Variants in CNNM2 observed in about 807,000 individuals in gnomAD.
The protein encoded by CNNM2 is cyclin and CBS domain divalent metal cation transport mediator 2, also known as metal transporter CNNM2.
Under a neutral mutation model 66.9 loss-of-function variants are expected in CNNM2, and 12 were observed. That is an observed-to-expected ratio of 0.18 (90% CI 0.11 to 0.29). The LOEUF (loss-of-function observed/expected upper bound fraction) is 0.29, where lower values mean the gene tolerates loss of function less well. Ranked by LOEUF, CNNM2 falls within the 10% of genes least tolerant of loss-of-function variation. The pLI is 1.00. For missense variants in CNNM2, 705 were observed against 1,167.7 expected, an observed-to-expected ratio of 0.60 and a Z score of 5.77; for synonymous variants, 557 against 501.8, an observed-to-expected ratio of 1.11 and a Z score of -1.47.
intron 1 of CNNM2, among the ~76,000 whole-genome samples, chr10:102,995,174 T>TCTTCCTCCTCCTCCCCCC (rs2063971464): frequency 8.5e-6 from 1 of 117,792 alleles, no homozygotes; most frequent in Non-Finnish European, 1.8e-5. Context: ...CTCCTCCCCC[T>TCTTCCTCCTCCTCCCCCC]CTTCCTCCTC....
chr10:103,073,875 A>G (rs1459686787), intron 6 of CNNM2, among the ~76,000 whole-genome samples: 1 of 150,424 alleles, frequency 6.6e-6, no homozygotes, highest in Non-Finnish European at 1.5e-5. Context: ...TCTCAAAAAA[A>G]AAAAAAAAAA....
At chr10:103,049,881 A>T in intron 2 of CNNM2, 31 bp downstream of exon 2, 1 of 1,604,746 alleles carries the variant, frequency 6.2e-7, no homozygotes. Flanking sequence ...GTATTTCCCG[A>T]AACCTTTGCT....
chr10:103,054,554 A>G lies in CNNM2; in HGVS notation c.1903+88A>G. 1.4e-6 allele frequency: 2 copies of G among 1,399,894 alleles called. No homozygotes were observed. The highest frequency in any genetic ancestry group is 1.3e-5 in the South Asian group (1 of 76,128). 86.7% of individuals were successfully genotyped at this position (1,399,894 alleles called of 1,614,324 possible). On this transcript the variant is annotated intron_variant, in intron 3 of 7. Transcript: ENST00000369878. The surrounding 1 kb of genome is among the most constrained non-coding windows in gnomAD (Gnocchi z 5.2). Reference sequence around the variant, plus strand: ...ACTGACTGGGGTGGGTTGGGGGTGGACACTGGGAAATGGGGTGATAAGTAA... The same window carrying G: ...ACTGACTGGGGTGGGTTGGGGGTGGGCACTGGGAAATGGGGTGATAAGTAA...
intron 2 of CNNM2, among the ~76,000 whole-genome samples, chr10:103,053,751 G>C (rs949490019): frequency 1.3e-5 from 2 of 152,148 alleles, no homozygotes; most frequent in African/African-American, 4.8e-5. Flanking sequence ...GTATCTGCTT[G>C]ACCTTGAGGA....
At chr10:102,991,453 C>T (rs2134242595) in intron 1 of CNNM2, among the ~76,000 whole-genome samples, 1 of 152,220 alleles carries the variant, frequency 6.6e-6, no homozygotes, top group East Asian at 1.9e-4. Flanking sequence ...TTCCTTGCCC[C>T]ATTTTAAGAT....
chr10:103,019,429 A>C (rs1031814745), intron 1 of CNNM2, among the ~76,000 whole-genome samples: 3 of 152,196 alleles, frequency 2.0e-5, no homozygotes, highest in Non-Finnish European at 2.9e-5. Flanking sequence ...GCAAGTGGGG[A>C]CAGTGAATAG....
chr10:103,019,278 A>C (rs1313545880), intron 1 of CNNM2, among the ~76,000 whole-genome samples: 3 of 151,968 alleles, frequency 2.0e-5, no homozygotes, highest in Admixed American at 6.6e-5. Context: ...CAAAAAAAAA[A>C]AAAAAAAGAG....
intron 6 of CNNM2, among the ~76,000 whole-genome samples, chr10:103,074,404 C>T (rs1248903150): frequency 6.6e-6 from 1 of 152,194 alleles, no homozygotes; most frequent in Non-Finnish European, 1.5e-5. Flanking sequence ...AAATATAAGT[C>T]TGATAAATTG....
chr10:102,978,123 C>T (rs375285030), intron 1 of CNNM2, among the ~76,000 whole-genome samples: 3 of 151,788 alleles, frequency 2.0e-5, no homozygotes, highest in Non-Finnish European at 4.4e-5. Context: ...GTTGGCCAGG[C>T]TGGTCTCAAA....
chr10:102,986,958 TAGTTGCAGATGAACACAGA>T (rs1173033149), intron 1 of CNNM2, among the ~76,000 whole-genome samples: 1 of 152,084 alleles, frequency 6.6e-6, no homozygotes, highest in African/African-American at 2.4e-5. Flanking sequence ...TAAATTTCAG[TAGTTGCAGATGAACACAGA>T]AGGAACAAGC....
intron 1 of CNNM2, among the ~76,000 whole-genome samples, chr10:103,028,569 A>G (rs890970466): frequency 1.3e-5 from 2 of 152,168 alleles, no homozygotes; most frequent in African/African-American, 2.4e-5. Context: ...AGTACAATTA[A>G]ATAGGAAATG....
rs965855192 is a variant in CNNM2 at position 103,077,632 on chromosome 10, C to A, written c.*452C>A. The A allele has an allele frequency of 6.2e-6, 1 of 160,088 alleles. No individual in the cohort carries two copies. Among genetic ancestry groups the A allele is most frequent in the African/African-American group, 2.4e-5 (1 of 41,636 alleles). 9.9% of individuals were successfully genotyped at this position (160,088 alleles called of 1,614,324 possible). ...TGACCCTGATGGGCTGGACTTGCCC[C>A]TCCGGTAGCCTTCCTTGGCCCTCCC... On this transcript the variant is annotated 3_prime_UTR_variant, in exon 8 of 8. Coordinates refer to ENST00000369878, the MANE Select transcript of CNNM2 (RefSeq NM_017649.5).
Position 102,967,698 on chromosome 10 carries a change from G to A in CNNM2, c.1621+47597G>A, listed in dbSNP as rs184603316. ...TTGATGGGCATTTGTATTGTGTCCA[G>A]GTTTAGGCTGTTATTAATAACGCTC... is the stretch of plus-strand genomic sequence containing the variant. On this transcript the variant is annotated intron_variant, in intron 1 of 7. Coordinates refer to ENST00000369878, the MANE Select transcript of CNNM2 (RefSeq NM_017649.5). Among the ~76,000 whole-genome samples the A allele has an allele frequency of 5.6e-3, 854 of 152,322 alleles. 7 individuals are homozygous for A. The highest frequency in any genetic ancestry group is 0.019 in the African/African-American group (807 of 41,576).
intron 4 of CNNM2, among the ~76,000 whole-genome samples, chr10:103,061,983 AAAAAAG>A (rs2065394127): frequency 6.6e-6 from 1 of 152,232 alleles, no homozygotes; most frequent in Admixed American, 6.5e-5. Flanking sequence ...AATGGTAGAC[AAAAAAG>A]AAAAAGTACA....
chr10:102,984,073 A>G (rs371163844), intron 1 of CNNM2, among the ~76,000 whole-genome samples: 108 of 152,278 alleles, frequency 7.1e-4, no homozygotes, highest in African/African-American at 2.3e-3. Flanking sequence ...AAATTTTATG[A>G]GCCTACTGTT....
intron 4 of CNNM2, among the ~76,000 whole-genome samples, chr10:103,064,340 G>A (rs1237295214): frequency 6.6e-6 from 1 of 152,130 alleles, no homozygotes; most frequent in East Asian, 1.9e-4. Flanking sequence ...TAAATTTGAG[G>A]GGTTAAATGT....
intron 1 of CNNM2, among the ~76,000 whole-genome samples, chr10:102,977,921 T>C (rs28607864): frequency 6.6e-6 from 1 of 151,376 alleles, no homozygotes; most frequent in Admixed American, 6.6e-5. Context: ...TTGTTGTTGT[T>C]GTCGTCGAGA....
chr10:102,932,154 C>T (rs1409611137), intron 1 of CNNM2, among the ~76,000 whole-genome samples: 1 of 151,616 alleles, frequency 6.6e-6, no homozygotes, highest in Non-Finnish European at 1.5e-5. Flanking sequence ...TTGGTAGTGA[C>T]CTTTGAAGCA....
intron 1 of CNNM2, among the ~76,000 whole-genome samples, chr10:102,925,413 C>G (rs571577419): frequency 6.8e-6 from 1 of 148,028 alleles, no homozygotes; most frequent in Non-Finnish European, 1.5e-5. Flanking sequence ...GAATCCATGT[C>G]GTTTACAGTT....
Sources: allele counts gnomAD v4.1 joint callset (sites outside exome capture counted in the v4.1 genomes callset), GRCh38; gene constraint gnomAD v4.1.1; non-coding constraint Gnocchi (gnomAD v3.1); transcripts MANE v1.5; gene names NCBI Gene and HGNC (gene_info 2026-07-23, HGNC 2026-07-21).